Variants in SEMA5B observed in about 807,000 individuals in gnomAD.
The protein encoded by SEMA5B is semaphorin 5B.
In SEMA5B, 66 loss-of-function variants were observed where a neutral mutation model predicts 135.0. The ratio of observed to expected loss-of-function variants is 0.49; its 90% confidence interval spans 0.40 to 0.60. The LOEUF (loss-of-function observed/expected upper bound fraction) is 0.60, where lower values mean the gene tolerates loss of function less well. Ranked by LOEUF, SEMA5B falls within the 20% of genes least tolerant of loss-of-function variation. The pLI is 0.00. For synonymous variants in SEMA5B, 690 were observed against 639.5 expected (o/e 1.08, Z -1.19); for missense variants, 1,501 against 1,566.3 (o/e 0.96, Z 0.70).
At chr3:122,947,851 A>G (rs1939860008) in intron 3 of SEMA5B, among the ~76,000 whole-genome samples, 1 of 152,032 alleles carries the variant, frequency 6.6e-6, no homozygotes, top group African/African-American at 2.4e-5. Context: ...GACCCCCCCC[A>G]AACTGTGTAA....
At chr3:122,966,128 C>T (rs1055548493) in intron 1 of SEMA5B, among the ~76,000 whole-genome samples, 4 of 152,186 alleles carry the variant, frequency 2.6e-5, no homozygotes, top group Non-Finnish European at 5.9e-5. Flanking sequence ...CTCCTCCTCC[C>T]CACTTCCCAT....
chr3:122,991,499 GA>G (rs60811895), intron 1 of SEMA5B, among the ~76,000 whole-genome samples: 7,894 of 152,226 alleles, frequency 0.052, 437 homozygotes, highest in African/African-American at 0.14. Flanking sequence ...GGAAGCCAGG[GA>G]AGCTGCCAAA....
Position 122,935,674 on chromosome 3 carries a change from T to TTTTC in SEMA5B, c.474+3747_474+3750dup, listed in dbSNP as rs1355929831. 7.1e-3 allele frequency among the ~76,000 whole-genome samples: 893 copies of TTTTC among 126,666 alleles called. 60 individuals carry two copies. Among genetic ancestry groups the TTTTC allele is most frequent in the South Asian group, 0.028 (96 of 3,466 alleles). The allele number at this position is 126,666 out of a possible 152,430, so 83.1% of individuals were successfully genotyped here. ...ACCTGCTCTATCCACTTTTTTTTCT[T>TTTTC]TTTCTTTCTTTCTTTTTTTTTTTTT... On this transcript the variant is annotated intron_variant, in intron 5 of 22. Coordinates refer to ENST00000357599, the MANE Select transcript of SEMA5B (RefSeq NM_001031702.4).
chr3:123,023,982 G>T (rs573359109), intron 1 of SEMA5B, among the ~76,000 whole-genome samples: 1 of 152,322 alleles, frequency 6.6e-6, no homozygotes, highest in East Asian at 1.9e-4. Flanking sequence ...TACTGCCAGG[G>T]TATAGGTGGT....
chr3:122,978,382 G>C lies in SEMA5B; in HGVS notation c.-38-17081C>G, dbSNP rs145035408. On this transcript the variant is annotated intron_variant, in intron 1 of 22. Coordinates refer to ENST00000357599, the MANE Select transcript of SEMA5B (RefSeq NM_001031702.4). ...ATGTTCACAGGCAGGCTGGGGAGGCGGGGCGTAGGGCCACAGGGACCCGTG... is the reference window on the plus strand; with the variant it reads ...ATGTTCACAGGCAGGCTGGGGAGGCCGGGCGTAGGGCCACAGGGACCCGTG... Among the ~76,000 whole-genome samples the C allele has an allele frequency of 4.6e-5, 7 of 152,324 alleles. No homozygotes were observed. In the East Asian group the frequency reaches 1.4e-3, roughly 29 times the overall value.
chr3:122,951,949 T>A (rs1437630471), intron 2 of SEMA5B, among the ~76,000 whole-genome samples: 1 of 152,218 alleles, frequency 6.6e-6, no homozygotes, highest in Non-Finnish European at 1.5e-5. Context: ...AATGGAATAA[T>A]ACCCATCACT....
At chr3:122,955,409 A>G (rs1012191157) in intron 2 of SEMA5B, among the ~76,000 whole-genome samples, 1 of 152,248 alleles carries the variant, frequency 6.6e-6, no homozygotes, top group Non-Finnish European at 1.5e-5. Flanking sequence ...TTAGCGAATA[A>G]TACAGTCTCA....
intron 3 of SEMA5B, among the ~76,000 whole-genome samples, chr3:122,947,166 C>A (rs1939824878): frequency 6.6e-6 from 1 of 152,194 alleles, no homozygotes; most frequent in Non-Finnish European, 1.5e-5. Flanking sequence ...CTTCTGTCCC[C>A]CTCTGTCCTC....
intron 5 of SEMA5B, among the ~76,000 whole-genome samples, chr3:122,937,393 C>G (rs1939345292): frequency 6.6e-6 from 1 of 152,242 alleles, no homozygotes; most frequent in Admixed American, 6.5e-5. Flanking sequence ...AAGGTCTGCT[C>G]CAGGGGACAC....
chr3:123,002,884 G>A (rs1415692106), intron 1 of SEMA5B, among the ~76,000 whole-genome samples: 1 of 152,140 alleles, frequency 6.6e-6, no homozygotes. Flanking sequence ...CTGTAAAATG[G>A]TGATGACCCC....
chr3:122,917,430 C>T lies in SEMA5B; in HGVS notation c.1689-1540G>A, dbSNP rs111592894. 2.4e-4 allele frequency among the ~76,000 whole-genome samples: 36 copies of T among 152,242 alleles called. No individual in the cohort carries two copies. In the South Asian group the frequency reaches 5.8e-3, roughly 25 times the overall value. On this transcript the variant is annotated intron_variant, in intron 12 of 22. Coordinates refer to ENST00000357599, the MANE Select transcript of SEMA5B (RefSeq NM_001031702.4). ...GCTAAAGAGATACACCAAGAACAAACGAAGAGCTAAGAGTTGCAGCTCTTG... is the reference window on the plus strand; with the variant it reads ...GCTAAAGAGATACACCAAGAACAAATGAAGAGCTAAGAGTTGCAGCTCTTG...
intron 1 of SEMA5B, among the ~76,000 whole-genome samples, chr3:122,977,931 G>A (rs1018645049): frequency 2.0e-5 from 3 of 152,196 alleles, no homozygotes; most frequent in Admixed American, 6.5e-5. Flanking sequence ...AATATTTGCC[G>A]ACTAAAGGGA....
At position 122,910,997 on chromosome 3, in the gene SEMA5B, C is replaced by T; in HGVS notation, c.3140G>A (p.Gly1047Asp). 1 of 1,613,804 alleles carries T rather than the reference C, an allele frequency of 6.2e-7. No homozygotes were observed. The highest frequency in any genetic ancestry group is 8.5e-7 in the Non-Finnish European group (1 of 1,179,910). The change falls in exon 22 of 23, where the codon GGC (glycine) becomes GAC (aspartate). Residue 1047 changes from glycine (G) to aspartate (D), a missense_variant. Physicochemically the swap from Gly to Asp is moderately conservative, Grantham distance 94. This residue lies in a region of SEMA5B where 927 missense variants were observed against 881.6 expected (regional missense o/e 1.05). Coordinates refer to ENST00000357599, the MANE Select transcript of SEMA5B (RefSeq NM_001031702.4). Reference protein sequence around the residue: ...LVATGISCFLGSGLLTLAVYL... With the variant: ...LVATGISCFLDSGLLTLAVYL... Reference sequence around the variant, plus strand: ...CACTGCTAGGGTCAGGAGCCCAGAGCCCAAGAAGCAGGAGATGCCCGTGGC... The same window carrying T: ...CACTGCTAGGGTCAGGAGCCCAGAGTCCAAGAAGCAGGAGATGCCCGTGGC...
rs1939456112 is a variant in SEMA5B at position 122,939,468 on chromosome 3, T to C, written c.431A>G (p.Asn144Ser). The change falls in exon 5 of 23, where the codon AAC (asparagine) becomes AGC (serine). Residue 144 changes from asparagine to serine, a missense_variant and splice_region_variant. By Grantham distance (46) the Asn-to-Ser change is conservative. This residue lies in a region of SEMA5B where 574 missense variants were observed against 684.7 expected (regional missense o/e 0.84). Coordinates refer to ENST00000357599, the MANE Select transcript of SEMA5B (RefSeq NM_001031702.4). The part of the protein sequence containing the change: ...SGNQLIVGAR[N>S]YLFRLSLANV... ...GGCAAGGCTGAGTCTGAAGAGGTAG[T>C]TCCTGTGAAAATGGAAACAGACATC... 2 of 1,612,460 alleles carry C rather than the reference T, an allele frequency of 1.2e-6. No individual in the cohort carries two copies. The highest frequency in any genetic ancestry group is 8.5e-7 in the Non-Finnish European group (1 of 1,178,480).
At chr3:123,001,155 C>G (rs1381087451) in intron 1 of SEMA5B, among the ~76,000 whole-genome samples, 1 of 152,124 alleles carries the variant, frequency 6.6e-6, no homozygotes, top group Non-Finnish European at 1.5e-5. Context: ...GGGAAGAGAC[C>G]ATAAACTCAG....
rs150895852 is a variant in SEMA5B, at chr3:122,913,079, C to T, written c.2507-18G>A. On this transcript the variant is annotated intron_variant, in intron 17 of 22. Transcript: ENST00000357599. ...CACCAGGGCTGCGGAGGGGCTAGGC[C>T]TCAGCGACTGGGCGCCCGGCCACCC... 1.4e-3 allele frequency: 2,011 copies of T among 1,437,260 alleles called. 22 individuals are homozygous for T. The African/African-American group carries it at 0.026, about 19-fold the overall frequency. 89.0% of individuals were successfully genotyped at this position (1,437,260 alleles called of 1,614,324 possible).
intron 12 of SEMA5B, among the ~76,000 whole-genome samples, chr3:122,919,907 A>C (rs1225505150): frequency 6.6e-6 from 1 of 152,076 alleles, no homozygotes; most frequent in Non-Finnish European, 1.5e-5. Context: ...GGCACACTAC[A>C]CAAGCTCCCC....
intron 1 of SEMA5B, among the ~76,000 whole-genome samples, chr3:123,007,088 T>C (rs527661831): frequency 1.3e-5 from 2 of 152,312 alleles, no homozygotes; most frequent in African/African-American, 4.8e-5. Flanking sequence ...CCTTGCCCTC[T>C]GAGCATGGGG....
At chr3:122,919,188 T>C (rs955279366) in intron 12 of SEMA5B, among the ~76,000 whole-genome samples, 1 of 151,928 alleles carries the variant, frequency 6.6e-6, no homozygotes, top group African/African-American at 2.4e-5. Context: ...CTGAAGCTTG[T>C]GAGCAAAAAA....
Sources: gnomAD v4.1 joint callset for allele counts (sites outside exome capture counted in the v4.1 genomes callset) on GRCh38, gnomAD v4.1.1 for gene constraint, gnomAD v4.1.1 regional missense constraint, MANE v1.5 for transcripts, NCBI Gene and HGNC (gene_info 2026-07-23, HGNC 2026-07-21) for gene names.